The following GBF1 variants were observed in gnomAD, a reference collection of about 807,000 sequenced individuals.
The protein encoded by GBF1 is golgi brefeldin A resistant guanine nucleotide exchange factor 1, also known as Golgi-specific brefeldin A-resistance guanine nucleotide exchange factor 1.
In GBF1, 114 loss-of-function variants were observed where a neutral mutation model predicts 210.5. The ratio of observed to expected loss-of-function variants is 0.54; its 90% CI spans 0.47 to 0.63. GBF1 has a LOEUF of 0.63. GBF1 is among the 30% of genes least tolerant of loss of function. The pLI is 0.00. For synonymous variants in GBF1, 850 were observed against 889.2 expected (o/e 0.96, Z 0.78); for missense variants, 1,851 against 2,357.7 (o/e 0.79, Z 4.45).
intron 29 of GBF1, among the ~76,000 whole-genome samples, chr10:102,371,315 A>G (rs1027552980): frequency 6.6e-6 from 1 of 152,246 alleles, no homozygotes; most frequent in Admixed American, 6.5e-5. Context: ...TTAAAATACA[A>G]TACCATTTAC....
At chr10:102,244,686 G>T (rs1034055374), upstream of GBF1, among the ~76,000 whole-genome samples, 5 of 152,138 alleles carry the variant, frequency 3.3e-5, no homozygotes, top group African/African-American at 1.2e-4. Context: ...GGCAGACCGG[G>T]AGTCAAAGCC....
chr10:102,235,412 G>T, the GBF1 span, among the ~76,000 whole-genome samples: 1 of 152,096 alleles, frequency 6.6e-6, no homozygotes, highest in Non-Finnish European at 1.5e-5. Context: ...AAGAAATTAG[G>T]TTTAGAGTCA....
chr10:102,326,189 A>G (rs1040988316), intron 3 of GBF1, among the ~76,000 whole-genome samples: 1 of 152,226 alleles, frequency 6.6e-6, no homozygotes, highest in African/African-American at 2.4e-5. Flanking sequence ...CTAGTATGCA[A>G]GTTTACGCCA....
At chr10:102,312,853 A>G (rs1466193675) in intron 3 of GBF1, among the ~76,000 whole-genome samples, 1 of 152,200 alleles carries the variant, frequency 6.6e-6, no homozygotes, top group Non-Finnish European at 1.5e-5. Flanking sequence ...TCTGTGTCTC[A>G]TACTGGCATC....
chr10:102,231,515 C>A, the GBF1 span: 2 of 1,031,328 alleles, frequency 1.9e-6, no homozygotes, highest in Admixed American at 2.0e-5. Flanking sequence ...TGGGGTGGAA[C>A]CGCTGGCCTC....
At position 102,369,125 on chromosome 10, in the gene GBF1, AG is replaced by A. The variant is rs1015586761; in HGVS notation, c.2974-83del. On this transcript the variant is annotated intron_variant, in intron 23 of 39. Coordinates refer to ENST00000369983, the MANE Select transcript of GBF1 (RefSeq NM_001377137.1). ...GAAGCAGAGCCAACAAAAGGACCTGAGGGAACCATCATAGGCAGAGACCTAA... is the reference window on the plus strand; with the variant it reads ...GAAGCAGAGCCAACAAAAGGACCTGAGGAACCATCATAGGCAGAGACCTAA... The A allele has an allele frequency of 3.0e-6, 3 of 997,976 alleles. No individual in the cohort carries two copies. In the African/African-American group the frequency reaches 4.8e-5, roughly 16 times the overall value. The allele number at this position is 997,976 out of a possible 1,614,324, so 61.8% of individuals were successfully genotyped here.
intron 8 of GBF1, among the ~76,000 whole-genome samples, chr10:102,357,643 C>G (rs1180635486): frequency 2.0e-5 from 3 of 152,076 alleles, no homozygotes; most frequent in African/African-American, 7.2e-5. Context: ...AGACCATGCA[C>G]CTGTAGAACT....
intron 1 of GBF1, among the ~76,000 whole-genome samples, chr10:102,255,233 G>A (rs934575908): frequency 1.1e-4 from 17 of 152,076 alleles, no homozygotes; most frequent in South Asian, 1.0e-3. Context: ...TTGAGGTGGC[G>A]TTTCACCATG....
chr10:102,262,486 A>G (rs954076225), intron 3 of GBF1, among the ~76,000 whole-genome samples: 7 of 152,344 alleles, frequency 4.6e-5, no homozygotes, highest in Admixed American at 3.9e-4. Flanking sequence ...AAACAAGTTA[A>G]TATAATTGGA....
intron 1 of GBF1, among the ~76,000 whole-genome samples, chr10:102,250,138 G>T (rs1256300889): frequency 1.3e-5 from 2 of 152,138 alleles, no homozygotes. Context: ...AAGGCATCAT[G>T]AAAAAGAAAA....
At chr10:102,381,529 G>A (rs2060844673) in intron 39 of GBF1, among the ~76,000 whole-genome samples, 1 of 152,126 alleles carries the variant, frequency 6.6e-6, no homozygotes, top group African/African-American at 2.4e-5. Context: ...TTCTAGTAGA[G>A]AGTAACCTGG....
At position 102,370,393 on chromosome 10, in the gene GBF1, T is replaced by C; in HGVS notation, c.3421T>C (p.Ser1141Pro). The change falls in exon 28 of 40, where the codon TCA becomes CCA. Residue 1141 changes from serine (S) to proline (P), a missense_variant. Coordinates refer to ENST00000369983, the MANE Select transcript of GBF1 (RefSeq NM_001377137.1). The stretch of plus-strand genomic sequence containing the variant: ...TGCTGTTCCCCTTCAGGCTCTGGTC[T>C]CAGTGACACCAGATGAAGAGACATA... ...SLQELMKALV[S>P]VTPDEETYDE... 1 of 1,610,490 alleles carries C rather than the reference T, an allele frequency of 6.2e-7. No individual in the cohort carries two copies.
intron 3 of GBF1, among the ~76,000 whole-genome samples, chr10:102,260,966 T>G (rs1005401949): frequency 8.5e-5 from 13 of 152,136 alleles, no homozygotes; most frequent in Non-Finnish European, 5.9e-5. Context: ...TATTCATATG[T>G]TTAGAATTTT....
At chr10:102,254,254 CCAG>C (rs1278758469) in intron 1 of GBF1, among the ~76,000 whole-genome samples, 1 of 152,066 alleles carries the variant, frequency 6.6e-6, no homozygotes, top group East Asian at 1.9e-4. Context: ...TCTCCTGTAG[CCAG>C]GTGCTGTGGC....
In GBF1 at chr10:102,351,279, G is replaced by C. The variant is rs2134782223; in HGVS notation, c.319G>C (p.Glu107Gln). ...LIDPTHEGTA[E>Q]GMENMADAVT... ...AGATCCCACCCATGAGGGCACAGCA[G>C]AGGGCATGGAGAACATGGCAGATGC... Residue 107 changes from glutamate (E) to glutamine (Q), a missense_variant, in exon 5 of 40, where the codon GAG becomes CAG. Physicochemically the swap from Glu to Gln is conservative, Grantham distance 29. Coordinates refer to ENST00000369983, the MANE Select transcript of GBF1 (RefSeq NM_001377137.1). 1.2e-6 allele frequency: 2 copies of C among 1,604,722 alleles called. No homozygotes were observed. Among genetic ancestry groups the C allele is most frequent in the Non-Finnish European group, 1.7e-6 (2 of 1,171,368 alleles).
intron 1 of GBF1, among the ~76,000 whole-genome samples, chr10:102,255,637 C>T (rs2072241361): frequency 6.6e-6 from 1 of 152,178 alleles, no homozygotes; most frequent in African/African-American, 2.4e-5. Context: ...AGACCTAGAG[C>T]ATATTCATCT....
intron 3 of GBF1, among the ~76,000 whole-genome samples, chr10:102,267,988 A>T (rs1473262203): frequency 6.6e-6 from 1 of 152,190 alleles, no homozygotes; most frequent in Non-Finnish European, 1.5e-5. Context: ...AGAGTGAATA[A>T]AGGTACTGTG....
intron 3 of GBF1, among the ~76,000 whole-genome samples, chr10:102,320,103 G>A (rs2056258950): frequency 6.6e-6 from 1 of 152,088 alleles, no homozygotes; most frequent in African/African-American, 2.4e-5. Flanking sequence ...TCTAGGAAAG[G>A]ACACCTGGGG....
At position 102,382,106 on chromosome 10, in the gene GBF1, T is replaced by C. The variant is rs781415855; in HGVS notation, c.5353T>C (p.Ser1785Pro). The C allele has an allele frequency of 5.7e-6, 9 of 1,591,222 alleles. No homozygotes were observed. In the South Asian group the frequency reaches 1.0e-4, roughly 18 times the overall value. ...PRAASSSSPG[S>P]PVASSPSRLS... is the part of the protein sequence containing the mutation. ...AGCCGCCAGCAGCAGCTCCCCAGGA[T>C]CACCAGTGGCCTCAAGCCCCAGCAG... The change falls in exon 40 of 40, where the codon TCA becomes CCA. Residue 1785 changes from serine to proline, a missense_variant. Coordinates refer to ENST00000369983, the MANE Select transcript of GBF1 (RefSeq NM_001377137.1).
Sources: gnomAD v4.1 joint callset for allele counts (sites outside exome capture counted in the v4.1 genomes callset) on GRCh38, gnomAD v4.1.1 for gene constraint, MANE v1.5 for transcripts, NCBI Gene and HGNC (gene_info 2026-07-23, HGNC 2026-07-21) for gene names.